The following STIL variants were observed in gnomAD, a reference collection of about 807,000 sequenced individuals.
STIL encodes the protein SCL-interrupting locus protein.
A neutral mutation model predicts 110.1 loss-of-function variants in STIL; 55 were observed. The ratio of observed to expected loss-of-function variants is 0.50; its 90% CI spans 0.40 to 0.63. The LOEUF (loss-of-function observed/expected upper bound fraction) is 0.63. Among genes scored for constraint, STIL ranks in the 20% least tolerant of loss-of-function variants. The probability of loss-of-function intolerance (pLI) is 0.00; values close to 1 mark genes in which losing one functional copy is unlikely to be tolerated. For synonymous variants in STIL, 481 were observed against 530.0 expected (o/e 0.91, Z 1.27); for missense variants, 1,358 against 1,530.0 (o/e 0.89, Z 1.87).
chr1:47,308,962 G>C (rs1055501801), intron 2 of STIL, among the ~76,000 whole-genome samples: 1 of 151,376 alleles, frequency 6.6e-6, no homozygotes, highest in African/African-American at 2.4e-5. Flanking sequence ...TGAGACACGA[G>C]AATCACTTGA....
rs1035282391 is a variant in STIL at position 47,290,236 on chromosome 1, A to C, written c.873-651T>G. 3.3e-5 allele frequency among the ~76,000 whole-genome samples: 5 copies of C among 152,344 alleles called. No homozygotes were observed. In the East Asian group the frequency reaches 9.6e-4, roughly 29 times the overall value. The stretch of plus-strand genomic sequence containing the variant: ...AGTGGGTGAATCTTTTCTAAACACG[A>C]TATGAAAAAGATTAATAAATATGAC... On this transcript the variant is annotated intron_variant, in intron 8 of 16. Coordinates refer to ENST00000371877, the MANE Select transcript of STIL (RefSeq NM_001048166.1).
At chr1:47,278,808 A>G (rs1645063283) in intron 12 of STIL, among the ~76,000 whole-genome samples, 2 of 152,086 alleles carry the variant, frequency 1.3e-5, no homozygotes, top group Non-Finnish European at 2.9e-5. Flanking sequence ...TCTAAAAAAA[A>G]AAGTAAAAAT....
rs1207348908 is a variant in STIL at position 47,293,648 on chromosome 1, A to G, written c.786-104T>C. The G allele has an allele frequency of 6.6e-6, 6 of 905,006 alleles. No homozygotes were observed. In the South Asian group the frequency reaches 7.2e-5, roughly 11 times the overall value. The allele number at this position is 905,006 out of a possible 1,614,324, so 56.1% of individuals were successfully genotyped here. On this transcript the variant is annotated intron_variant, in intron 7 of 16. Coordinates refer to ENST00000371877, the MANE Select transcript of STIL (RefSeq NM_001048166.1). Reference sequence around the variant, plus strand: ...AGTAGACGTATGGCTTTTATCAGCCATACATTAAAAAGCCTTAGTAATAAG... The same window carrying G: ...AGTAGACGTATGGCTTTTATCAGCCGTACATTAAAAAGCCTTAGTAATAAG...
In STIL at chr1:47,251,420, C is replaced by T. The variant is rs769758868; in HGVS notation, c.3583G>A (p.Val1195Ile). ...ESVGTNADTP[V>I]LRNITNEVLQ... Reference sequence around the variant, plus strand: ...ACTTCATTTGTAATATTTCTCAATACTGGCGTATCTGCGTTGGTCCCCACA... The same window carrying T: ...ACTTCATTTGTAATATTTCTCAATATTGGCGTATCTGCGTTGGTCCCCACA... The change falls in exon 17 of 17, where the codon GTA becomes ATA. Residue 1195 changes from valine (V) to isoleucine (I), a missense_variant. Val to Ile is a conservative substitution (Grantham distance 29). Transcript: ENST00000371877. The T allele has an allele frequency of 2.5e-6, 4 of 1,614,204 alleles. No individual in the cohort carries two copies. In the South Asian group the frequency reaches 3.3e-5, roughly 13 times the overall value.
At chr1:47,302,499 G>A (rs1191588050) in intron 3 of STIL, among the ~76,000 whole-genome samples, 153 bp from the exon 4 acceptor site, 1 of 152,166 alleles carries the variant, frequency 6.6e-6, no homozygotes, top group Non-Finnish European at 1.5e-5. Context: ...CAGGGGATAC[G>A]GAGGGCCACT....
At chr1:47,275,772 G>A (rs891711587) in intron 12 of STIL, among the ~76,000 whole-genome samples, 4 of 151,778 alleles carry the variant, frequency 2.6e-5, no homozygotes, top group Non-Finnish European at 4.4e-5. Flanking sequence ...TTACAGGTGC[G>A]CAACACTATG....
chr1:47,260,690 C>T (rs757492545), intron 15 of STIL, 151 bp from the exon 16 acceptor site: 17 of 799,928 alleles, frequency 2.1e-5, no homozygotes, highest in Admixed American at 8.1e-5. Context: ...GGCAACACAG[C>T]GAGATCCTGT....
intron 12 of STIL, among the ~76,000 whole-genome samples, chr1:47,275,565 G>A (rs1011816273): frequency 2.6e-5 from 4 of 151,976 alleles, no homozygotes; most frequent in Middle Eastern, 3.4e-3. Context: ...CTGAGATCGC[G>A]CCACTGCACT....
At chr1:47,271,717 G>A (rs1159364845) in intron 13 of STIL, among the ~76,000 whole-genome samples, 2 of 151,670 alleles carry the variant, frequency 1.3e-5, no homozygotes, top group Non-Finnish European at 2.9e-5. Flanking sequence ...GAGACAGGAG[G>A]ATTGCTTGAA....
intron 16 of STIL, among the ~76,000 whole-genome samples, chr1:47,258,728 T>C (rs2821089): frequency 0.83 from 125,341 of 151,824 alleles, 52,373 homozygotes; most frequent in Middle Eastern, 0.89. Flanking sequence ...AAAAATTAGC[T>C]AAGTACTGGT....
At chr1:47,294,332 C>T (rs1296825277) in intron 7 of STIL, among the ~76,000 whole-genome samples, 1 of 152,224 alleles carries the variant, frequency 6.6e-6, no homozygotes, top group Non-Finnish European at 1.5e-5. Context: ...TATCACCTCA[C>T]TTTGATTTTA....
chr1:47,307,271 G>A (rs573667142), intron 2 of STIL, among the ~76,000 whole-genome samples: 3 of 152,274 alleles, frequency 2.0e-5, no homozygotes, highest in East Asian at 1.9e-4. Flanking sequence ...AGCTGAGACC[G>A]CACCACTGCA....
Position 47,302,296 on chromosome 1 carries a change from T to C in STIL, c.203A>G (p.His68Arg), listed in dbSNP as rs760182730. 17 of 1,614,048 alleles carry C rather than the reference T, an allele frequency of 1.1e-5. No homozygotes were observed. The African/African-American group carries it at 1.1e-4, about 10-fold the overall frequency. ...CGAATTTTTTTTATTCTGCTTAGCA[T>C]GACGATAAGCAAGTCGGATGGTCTT... ...TEKTIRLAYR[H>R]AKQNKKNSSC... Residue 68 changes from histidine (H) to arginine (R), a missense_variant, in exon 4 of 17, where the codon CAT (histidine) becomes CGT (arginine). By Grantham distance (29) the His-to-Arg change is conservative. Transcript: ENST00000371877.
Position 47,251,074 on chromosome 1 carries a change from T to C in STIL, c.*62A>G, listed in dbSNP as rs1644168632. 2.0e-6 allele frequency: 3 copies of C among 1,519,658 alleles called. No homozygotes were observed. The highest frequency in any genetic ancestry group is 2.8e-5 in the African/African-American group (2 of 71,422). 94.1% of individuals were successfully genotyped at this position (1,519,658 alleles called of 1,614,324 possible). A position where few individuals can be genotyped will look rare whatever the true frequency, so the allele number is the denominator to read the frequency against. On this transcript the variant is annotated 3_prime_UTR_variant, in exon 17 of 17. Transcript: ENST00000371877. ...CAGGAGCCTTGTGGTAGGCTCCTGT[T>C]TTCCCTAAGTATCTTCAGGAGACAC...
rs141830068 is a variant in STIL at position 47,281,070 on chromosome 1, T to A, written c.1388A>T (p.Lys463Met). The change falls in exon 12 of 17, where the codon AAG (lysine) becomes ATG (methionine). Residue 463 changes from lysine (K) to methionine (M), a missense_variant. By Grantham distance (95) the Lys-to-Met change is moderately conservative (BLOSUM62 -1). Coordinates refer to ENST00000371877, the MANE Select transcript of STIL (RefSeq NM_001048166.1). ...ATCATAAAGCTGGGGTTGCAATGGC[T>A]TCAAGTGTTCCAAGTGGTTAATCAA... is the stretch of plus-strand genomic sequence containing the variant. ...PPLINHLEHLKPLQPQLYDEK... is the reference protein window; with the variant it reads ...PPLINHLEHLMPLQPQLYDEK... 1 of 1,614,028 alleles carries A rather than the reference T, an allele frequency of 6.2e-7. No individual in the cohort carries two copies. The highest frequency in any genetic ancestry group is 8.5e-7 in the Non-Finnish European group (1 of 1,180,038).
Position 47,280,478 on chromosome 1 carries a change from A to G in STIL, c.1980T>C (p.Ser660=), listed in dbSNP as rs1645125651. The G allele has an allele frequency of 6.2e-7, 1 of 1,614,148 alleles. No homozygotes were observed. Among genetic ancestry groups the G allele is most frequent in the South Asian group, 1.1e-5 (1 of 91,094 alleles). Residue 660 remains serine, a synonymous_variant, in exon 12 of 17, where the codon AGT becomes AGC. Transcript: ENST00000371877. The part of the protein sequence containing the change: ...ALYCNAFCSS[S]SPIALRPQGD... Reference sequence around the variant, plus strand: ...CCTGAGGTCTCAAGGCTATAGGACTACTTGAAGAACAGAATGCATTACAGT... The same window carrying G: ...CCTGAGGTCTCAAGGCTATAGGACTGCTTGAAGAACAGAATGCATTACAGT...
At position 47,260,550 on chromosome 1, in the gene STIL, G is replaced by C. The variant is rs879375940; in HGVS notation, c.2830-11C>G. On this transcript the variant is annotated splice_polypyrimidine_tract_variant and intron_variant, in intron 15 of 16. Coordinates refer to ENST00000371877, the MANE Select transcript of STIL (RefSeq NM_001048166.1). Reference sequence around the variant, plus strand: ...GTGGTTTACTTGACCCTGACAAAAAGAAAAAAAATTTTTTTGAAAAATCAC... The same window carrying C: ...GTGGTTTACTTGACCCTGACAAAAACAAAAAAAATTTTTTTGAAAAATCAC... 68 of 1,613,608 alleles carry C rather than the reference G, an allele frequency of 4.2e-5. No individual in the cohort carries two copies. The highest frequency in any genetic ancestry group is 5.4e-5 in the Non-Finnish European group (64 of 1,179,856).
chr1:47,271,268 T>C (rs1051607240), intron 13 of STIL, among the ~76,000 whole-genome samples: 2 of 152,148 alleles, frequency 1.3e-5, no homozygotes, highest in South Asian at 2.1e-4. Context: ...TTTAAACAGA[T>C]GGTTAAAACC....
intron 8 of STIL, among the ~76,000 whole-genome samples, chr1:47,290,220 A>G (rs1020530230): frequency 3.3e-5 from 5 of 152,240 alleles, no homozygotes; most frequent in African/African-American, 1.2e-4. Flanking sequence ...GAGTGGGTGA[A>G]TCTTTTCTAA....
Sources: gnomAD v4.1 joint callset for allele counts (sites outside exome capture counted in the v4.1 genomes callset) on GRCh38, gnomAD v4.1.1 for gene constraint, MANE v1.5 for transcripts, NCBI Gene and HGNC (gene_info 2026-07-23, HGNC 2026-07-21) for gene names.